Variants in MAST2 observed in about 807,000 individuals in gnomAD.
MAST2 encodes the protein microtubule-associated serine/threonine-protein kinase 2.
In MAST2, 70 loss-of-function variants were observed where a neutral mutation model predicts 147.4. The observed-to-expected ratio is 0.47, with a 90% confidence interval of 0.39 to 0.58. MAST2 has a LOEUF of 0.58. MAST2 is among the 20% of genes least tolerant of loss of function. MAST2 has a pLI of 0.00. For synonymous variants in MAST2, 869 were observed against 896.8 expected (o/e 0.97, Z 0.55); for missense variants, 2,080 against 2,302.3 (o/e 0.90, Z 1.98).
Position 46,023,436 on chromosome 1 carries a change from A to T in MAST2, c.1571+118A>T. The stretch of plus-strand genomic sequence containing the variant: ...CAGATGCCTCGGGGTGGACCTTCTC[A>T]CTCCCAGAAGCCTCCTGGGTGGGCA... On this transcript the variant is annotated intron_variant, in intron 14 of 28. Coordinates refer to ENST00000361297, the MANE Select transcript of MAST2 (RefSeq NM_015112.3). The surrounding 1 kb of genome is among the most constrained non-coding windows in gnomAD (Gnocchi z 4.9). 2 of 917,764 alleles carry T rather than the reference A, an allele frequency of 2.2e-6. No homozygotes were observed. The highest frequency in any genetic ancestry group is 3.5e-6 in the Non-Finnish European group (2 of 571,942). 56.9% of individuals were successfully genotyped at this position (917,764 alleles called of 1,614,324 possible). A position where few individuals can be genotyped will look rare whatever the true frequency, so the allele number is the denominator to read the frequency against.
At chr1:46,007,092 A>G (rs1341929551) in intron 8 of MAST2, among the ~76,000 whole-genome samples, 1 of 152,226 alleles carries the variant, frequency 6.6e-6, no homozygotes, top group Non-Finnish European at 1.5e-5. Context: ...CTTTGGCATT[A>G]GCTGGTAAAT....
intron 3 of MAST2, among the ~76,000 whole-genome samples, chr1:45,863,625 A>G (rs554089563): frequency 8.4e-4 from 128 of 152,332 alleles, no homozygotes; most frequent in Non-Finnish European, 1.7e-3. Flanking sequence ...ACTTTCCTTC[A>G]AGCCCTAGAC....
At chr1:45,959,310 G>C in intron 4 of MAST2, 76 bp from the exon 5 acceptor site, 1 of 1,149,348 alleles carries the variant, frequency 8.7e-7, no homozygotes, top group Non-Finnish European at 1.3e-6. Flanking sequence ...TCCCTCTTTA[G>C]TTCCTTAAAA....
intron 5 of MAST2, 88 bp from the exon 6 acceptor site, chr1:45,997,636 T>C (rs2149158899): frequency 1.1e-6 from 1 of 902,048 alleles, no homozygotes; most frequent in East Asian, 2.4e-5. Context: ...TAATTGCCAG[T>C]GCTAGGGGAA....
intron 3 of MAST2, among the ~76,000 whole-genome samples, chr1:45,835,921 T>C (rs916026275): frequency 6.6e-6 from 1 of 152,356 alleles, no homozygotes; most frequent in Admixed American, 6.5e-5. Flanking sequence ...TTCTGCATTA[T>C]AGCATGTATC....
At chr1:45,867,376 C>T (rs1435577864) in intron 3 of MAST2, among the ~76,000 whole-genome samples, 3 of 152,190 alleles carry the variant, frequency 2.0e-5, no homozygotes, top group African/African-American at 7.2e-5. Flanking sequence ...TCAGCTAAGA[C>T]ACAGCCTACT....
At chr1:45,964,378 G>T (rs573008866) in intron 5 of MAST2, among the ~76,000 whole-genome samples, 74 of 152,168 alleles carry the variant, frequency 4.9e-4, no homozygotes, top group Admixed American at 2.6e-3. Context: ...CTATTAATTA[G>T]TGCCTCAATT....
intron 1 of MAST2, among the ~76,000 whole-genome samples, chr1:45,812,044 A>G (rs1400583359): frequency 2.0e-5 from 3 of 152,150 alleles, no homozygotes; most frequent in African/African-American, 7.2e-5. Context: ...TGCTGGAATT[A>G]CAGGTGTGAG....
Position 46,032,192 on chromosome 1 carries a change from T to C in MAST2, c.3202T>C (p.Ser1068Pro). Residue 1068 changes from serine to proline, a missense_variant, in exon 25 of 29, where the codon TCC becomes CCC. Ser to Pro is a moderately conservative substitution (Grantham distance 74). Transcript: ENST00000361297. Reference protein sequence around the residue: ...LLIPSEHHTCSPLASPMSPHS... With the variant: ...LLIPSEHHTCPPLASPMSPHS... ...TCCTTCTCCAGAACACCACACCTGC[T>C]CCCCGTTGGCCAGCCCCATGTCCCC... is the stretch of plus-strand genomic sequence containing the variant. The C allele has an allele frequency of 6.2e-7, 1 of 1,613,950 alleles. No individual in the cohort carries two copies. The highest frequency in any genetic ancestry group is 1.1e-5 in the South Asian group (1 of 91,066).
intron 1 of MAST2, among the ~76,000 whole-genome samples, chr1:45,806,510 C>T (rs894596238): frequency 6.6e-6 from 1 of 152,212 alleles, no homozygotes; most frequent in African/African-American, 2.4e-5. Flanking sequence ...AGTGATCCTC[C>T]TGCCTCAGCC....
chr1:45,840,481 A>G (rs1412911426), intron 3 of MAST2, among the ~76,000 whole-genome samples: 1 of 152,194 alleles, frequency 6.6e-6, no homozygotes, highest in East Asian at 1.9e-4. Context: ...GCCACTTAGT[A>G]ATCATATGAC....
At chr1:45,965,246 A>G (rs1320041928) in intron 5 of MAST2, among the ~76,000 whole-genome samples, 3 of 152,204 alleles carry the variant, frequency 2.0e-5, no homozygotes, top group Non-Finnish European at 1.5e-5. Context: ...CACTTGGTGC[A>G]GAGCTGAATT....
chr1:45,922,336 C>T (rs6689417), intron 4 of MAST2, among the ~76,000 whole-genome samples: 121,244 of 152,168 alleles, frequency 0.8, 48,784 homozygotes, highest in East Asian at 0.98. Context: ...ACCAGCTTCT[C>T]TCCACCCAGG....
chr1:45,926,109 A>G lies in MAST2; in HGVS notation c.501-33277A>G, dbSNP rs549124733. 1.8e-4 allele frequency among the ~76,000 whole-genome samples: 27 copies of G among 152,332 alleles called. No individual in the cohort carries two copies. The South Asian group carries it at 3.5e-3, about 20-fold the overall frequency. On this transcript the variant is annotated intron_variant, in intron 4 of 28. Transcript: ENST00000361297. Reference sequence around the variant, plus strand: ...TTCAGAGTAATTTCAAAAGAGGAACATCTCCCAGAACTTGTTCTTATCCTG... The same window carrying G: ...TTCAGAGTAATTTCAAAAGAGGAACGTCTCCCAGAACTTGTTCTTATCCTG...
At chr1:45,902,491 G>A (rs1472390513) in intron 4 of MAST2, among the ~76,000 whole-genome samples, 1 of 151,930 alleles carries the variant, frequency 6.6e-6, no homozygotes, top group East Asian at 1.9e-4. Flanking sequence ...TACTGATTTA[G>A]TAGAACGAGC....
chr1:45,968,596 G>GT (rs775192023), intron 5 of MAST2, among the ~76,000 whole-genome samples: 1 of 151,706 alleles, frequency 6.6e-6, no homozygotes, highest in Non-Finnish European at 1.5e-5. Flanking sequence ...AAGATAAGGT[G>GT]TTTTTTCCCT....
rs371435168 is a variant in MAST2, at chr1:46,031,235, G to A, written c.2937G>A (p.Glu979=). ...GGCCTGTCACTGAACACTCAGGGGA[G>A]CAGCGGCCAAAGCTGGATGAGGAAG... ...VSGPVTEHSG[E]QRPKLDEEAV... is the part of the protein sequence containing the mutation. Residue 979 remains glutamate (E), a synonymous_variant, in exon 23 of 29, where the codon GAG becomes GAA. Transcript: ENST00000361297. This position sits in a 1 kb window ranked among gnomAD's most constrained non-coding sequence, Gnocchi z 4.1. 5.9e-5 allele frequency: 91 copies of A among 1,542,062 alleles called. No homozygotes were observed. The African/African-American group carries it at 1.0e-3, about 18-fold the overall frequency.
intron 5 of MAST2, among the ~76,000 whole-genome samples, chr1:45,983,235 C>T (rs1417968130): frequency 1.3e-5 from 2 of 152,098 alleles, no homozygotes; most frequent in African/African-American, 4.8e-5. Context: ...TTAATAAGTA[C>T]AGTATTTACC....
chr1:46,010,086 A>G (rs988527603), intron 9 of MAST2, among the ~76,000 whole-genome samples: 2 of 152,180 alleles, frequency 1.3e-5, no homozygotes, highest in Non-Finnish European at 2.9e-5. Flanking sequence ...CTGTGACCAG[A>G]CAGGTTCACT....
Sources: gnomAD v4.1 joint callset for allele counts (sites outside exome capture counted in the v4.1 genomes callset) on GRCh38, gnomAD v4.1.1 for gene constraint, Gnocchi (gnomAD v3.1) non-coding constraint, MANE v1.5 for transcripts, NCBI Gene and HGNC (gene_info 2026-07-23, HGNC 2026-07-21) for gene names.